The following FAT3 variants were observed in gnomAD, a reference collection of about 807,000 sequenced individuals.
FAT3 encodes protocadherin Fat 3.
A neutral mutation model predicts 310.2 loss-of-function variants in FAT3; 95 were observed. The observed-to-expected ratio is 0.31, with a 90% CI of 0.26 to 0.36. The LOEUF (loss-of-function observed/expected upper bound fraction) is 0.36. Ranked by LOEUF, FAT3 falls within the 10% of genes least tolerant of loss-of-function variation. The pLI, the probability that FAT3 is intolerant of heterozygous loss-of-function variation, is 1.00. For synonymous variants in FAT3, 2,314 were observed against 2,192.9 expected (o/e 1.06, Z -1.54); for missense variants, 5,408 against 5,715.6 (o/e 0.95, Z 1.74).
chr11:92,305,077 T>A (rs899599007), intron 1 of FAT3, among the ~76,000 whole-genome samples: 1 of 152,186 alleles, frequency 6.6e-6, no homozygotes, highest in Non-Finnish European at 1.5e-5. Context: ...GTTGGGAAGC[T>A]GATGCCATTT....
In FAT3 at chr11:92,366,564, A is replaced by T. The variant is rs115012986; in HGVS notation, c.3292+11160A>T. 1,802 of 510,402 alleles carry T rather than the reference A, an allele frequency of 3.5e-3. 30 individuals carry two copies. The highest frequency in any genetic ancestry group is 0.032 in the African/African-American group (1,647 of 51,620). 31.6% of individuals were successfully genotyped at this position (510,402 alleles called of 1,614,324 possible). ...TTACCGATCATCCCCCAAGAACTGCATGCGCCTGATGGGCTTCAAGTCCTT... is the reference window on the plus strand; with the variant it reads ...TTACCGATCATCCCCCAAGAACTGCTTGCGCCTGATGGGCTTCAAGTCCTT... On this transcript the variant is annotated intron_variant, in intron 2 of 27. Coordinates refer to ENST00000525166, the MANE Select transcript of FAT3 (RefSeq NM_001367949.2).
At chr11:92,708,141 G>A (rs1303737814) in intron 4 of FAT3, among the ~76,000 whole-genome samples, 1 of 152,184 alleles carries the variant, frequency 6.6e-6, no homozygotes, top group South Asian at 2.1e-4. Flanking sequence ...AGTCAGGAGA[G>A]CCCTGCACGT....
Position 92,891,221 on chromosome 11 carries a change from G to C in FAT3, c.*108G>C, listed in dbSNP as rs1461998765. ...GTCTGTGGAATGAGAAGGGAATACT[G>C]TATTTTTCCACTAGAAACTTCTTCA... On this transcript the variant is annotated 3_prime_UTR_variant, in exon 28 of 28. Coordinates refer to ENST00000525166, the MANE Select transcript of FAT3 (RefSeq NM_001367949.2). 7.2e-7 allele frequency: 1 copy of C among 1,391,580 alleles called. No individual in the cohort carries two copies. Among genetic ancestry groups the C allele is most frequent in the Non-Finnish European group, 9.7e-7 (1 of 1,033,046 alleles). 86.2% of individuals were successfully genotyped at this position (1,391,580 alleles called of 1,614,324 possible).
intron 3 of FAT3, among the ~76,000 whole-genome samples, chr11:92,639,689 G>A (rs990677165): frequency 2.0e-5 from 3 of 152,092 alleles, no homozygotes; most frequent in Non-Finnish European, 4.4e-5. Flanking sequence ...GTATTTGAGG[G>A]GCCTGCTGGT....
intron 23 of FAT3, among the ~76,000 whole-genome samples, chr11:92,881,534 A>G (rs1949670406): frequency 1.3e-5 from 2 of 152,342 alleles, no homozygotes; most frequent in South Asian, 4.1e-4. Flanking sequence ...GAATCGTTGG[A>G]TGTAATTTAA....
chr11:92,404,997 G>C lies in FAT3; in HGVS notation c.3292+49593G>C, dbSNP rs533931403. Among the ~76,000 whole-genome samples the C allele has an allele frequency of 3.9e-5, 6 of 152,060 alleles. No homozygotes were observed. The South Asian group carries it at 1.2e-3, about 32-fold the overall frequency. ...ATGGAATTATACCACCGACTTTCCT[G>C]GGCCTCCAGCTTGCAGACAGAACAT... On this transcript the variant is annotated intron_variant, in intron 2 of 27. Transcript: ENST00000525166.
intron 7 of FAT3, among the ~76,000 whole-genome samples, chr11:92,783,511 A>G (rs558047408): frequency 6.6e-6 from 1 of 151,742 alleles, no homozygotes; most frequent in East Asian, 1.9e-4. Flanking sequence ...TTAAAAAAAA[A>G]AAAAAAAAGA....
intron 4 of FAT3, among the ~76,000 whole-genome samples, chr11:92,740,140 A>G (rs1945465049): frequency 1.3e-5 from 2 of 152,220 alleles, no homozygotes; most frequent in African/African-American, 4.8e-5. Flanking sequence ...GTAATGTCCA[A>G]GATTGTAAAT....
At chr11:92,473,628 C>A (rs115140323) in intron 2 of FAT3, among the ~76,000 whole-genome samples, 1,540 of 152,170 alleles carry the variant, frequency 0.01, 30 homozygotes, top group African/African-American at 0.035. Context: ...ATAAATCTCT[C>A]CCAATGTTTG....
chr11:92,347,760 T>G (rs1440901059), intron 1 of FAT3, among the ~76,000 whole-genome samples: 2 of 152,202 alleles, frequency 1.3e-5, no homozygotes, highest in African/African-American at 4.8e-5. Flanking sequence ...ATTGATGGCT[T>G]GATGATCTCT....
intron 13 of FAT3, among the ~76,000 whole-genome samples, chr11:92,818,689 C>G (rs911989528): frequency 2.0e-5 from 3 of 152,132 alleles, no homozygotes; most frequent in Non-Finnish European, 4.4e-5. Flanking sequence ...CTTCTCCGAG[C>G]CTTTAGTTTC....
intron 3 of FAT3, among the ~76,000 whole-genome samples, chr11:92,691,096 C>T (rs576644862): frequency 7.2e-5 from 11 of 152,154 alleles, no homozygotes; most frequent in Non-Finnish European, 1.5e-4. Flanking sequence ...AGAAAGTGTG[C>T]TCAGGGAATA....
intron 22 of FAT3, among the ~76,000 whole-genome samples, chr11:92,870,604 G>A (rs753197991): frequency 6.6e-6 from 1 of 152,092 alleles, no homozygotes; most frequent in Non-Finnish European, 1.5e-5. Context: ...AATGTAATAT[G>A]TCAACACCCA....
At chr11:92,876,554 G>A (rs917710967) in intron 22 of FAT3, among the ~76,000 whole-genome samples, 2 of 152,158 alleles carry the variant, frequency 1.3e-5, no homozygotes, top group African/African-American at 2.4e-5. Flanking sequence ...GCGTTTAAGG[G>A]CATTCTTTTT....
chr11:92,641,248 C>G (rs188315485), intron 3 of FAT3, among the ~76,000 whole-genome samples: 1 of 152,044 alleles, frequency 6.6e-6, no homozygotes, highest in South Asian at 2.1e-4. Context: ...CTCAATATAT[C>G]TCTCTCTCCC....
chr11:92,605,719 G>GT (rs5793613), intron 3 of FAT3, among the ~76,000 whole-genome samples: 6,656 of 99,648 alleles, frequency 0.067, 355 homozygotes, highest in African/African-American at 0.13. Flanking sequence ...AAATAGCTAT[G>GT]TTTTTTTTTT....
chr11:92,526,115 C>T (rs1953851871), intron 3 of FAT3, among the ~76,000 whole-genome samples: 2 of 152,146 alleles, frequency 1.3e-5, no homozygotes, highest in South Asian at 2.1e-4. Context: ...CCTGCTTGTA[C>T]TTGCAGAAGA....
chr11:92,536,044 G>A (rs574869926), intron 3 of FAT3, among the ~76,000 whole-genome samples: 4 of 152,180 alleles, frequency 2.6e-5, no homozygotes, highest in Non-Finnish European at 4.4e-5. Context: ...AGAACTTAAA[G>A]TCCAGTTTTA....
intron 2 of FAT3, among the ~76,000 whole-genome samples, chr11:92,385,736 A>G (rs1482760672): frequency 6.6e-6 from 1 of 152,200 alleles, no homozygotes; most frequent in Non-Finnish European, 1.5e-5. Context: ...TTTCATTATA[A>G]TGTAGCAACT....
Sources: allele counts gnomAD v4.1 joint callset (sites outside exome capture counted in the v4.1 genomes callset), GRCh38; gene constraint gnomAD v4.1.1; transcripts MANE v1.5; gene names NCBI Gene and HGNC (gene_info 2026-07-23, HGNC 2026-07-21).